Variants in RBFOX1 observed in about 807,000 individuals in gnomAD.
RBFOX1 encodes RNA binding protein fox-1 homolog 1.
Under a neutral mutation model 57.7 loss-of-function variants are expected in RBFOX1, and 8 were observed. The observed-to-expected ratio is 0.14, with a 90% CI of 0.08 to 0.25. The LOEUF is 0.25. Among genes scored for constraint, RBFOX1 ranks in the 10% least tolerant of loss-of-function variants. The pLI, the probability that RBFOX1 is intolerant of heterozygous loss-of-function variation, is 1.00. For synonymous variants in RBFOX1, 326 were observed against 222.4 expected, an observed-to-expected ratio of 1.47 and a Z score of -4.15; for missense variants, 611 against 548.5, an observed-to-expected ratio of 1.11 and a Z score of -1.14.
At chr16:6,440,870 G>T (rs868522923) in intron 2 of RBFOX1, among the ~76,000 whole-genome samples, 52 of 151,990 alleles carry the variant, frequency 3.4e-4, no homozygotes, top group African/African-American at 1.1e-3. Flanking sequence ...CCAGTCAAGT[G>T]CAACAGTGAA....
Position 6,734,637 on chromosome 16 carries a change from T to G in RBFOX1, c.-16+79987T>G, listed in dbSNP as rs539181790. Among the ~76,000 whole-genome samples, 88 of 152,314 alleles carry G rather than the reference T, an allele frequency of 5.8e-4. No homozygotes were observed. In the Middle Eastern group the frequency reaches 0.017, roughly 29 times the overall value. On this transcript the variant is annotated intron_variant, in intron 3 of 15. Transcript: ENST00000550418. Reference sequence around the variant, plus strand: ...GGTCTCTATTCCTCAGACATTCTTTTCTTTGTGATAGTTTCTCCTCTCATT... The same window carrying G: ...GGTCTCTATTCCTCAGACATTCTTTGCTTTGTGATAGTTTCTCCTCTCATT...
intron 3 of RBFOX1, among the ~76,000 whole-genome samples, chr16:6,999,212 A>ATTTTTTTTTTTTTTTTTTTTTTTTTT (rs1254312494): frequency 8.5e-6 from 1 of 117,692 alleles, no homozygotes; most frequent in South Asian, 2.7e-4. Context: ...TTTTATTTTT[A>ATTTTTTTTTTTTTTTTTTTTTTTTTT]TTTATTTTTT....
At chr16:7,467,384 A>G (rs1436309794) in intron 4 of RBFOX1, among the ~76,000 whole-genome samples, 1 of 152,140 alleles carries the variant, frequency 6.6e-6, no homozygotes, top group Non-Finnish European at 1.5e-5. Context: ...TCTGCCTTCT[A>G]GGGTTTTCTT....
At chr16:7,399,018 T>TG (rs1299034273) in intron 4 of RBFOX1, among the ~76,000 whole-genome samples, 5 of 152,218 alleles carry the variant, frequency 3.3e-5, no homozygotes, top group African/African-American at 1.2e-4. Context: ...AGGAACTACT[T>TG]GGGGCAAGTG....
chr16:6,851,031 T>C (rs1205844444), intron 3 of RBFOX1, among the ~76,000 whole-genome samples: 1 of 152,096 alleles, frequency 6.6e-6, no homozygotes, highest in South Asian at 2.1e-4. Flanking sequence ...TGGAATACTA[T>C]GTAGCAATAA....
chr16:7,376,973 C>G (rs748396976), intron 4 of RBFOX1, among the ~76,000 whole-genome samples: 3 of 152,090 alleles, frequency 2.0e-5, no homozygotes, highest in African/African-American at 4.8e-5. Context: ...CCTTGTATGT[C>G]CCTAAGTGTC....
At chr16:5,271,650 T>C (rs2063011300) in intron 1 of RBFOX1, among the ~76,000 whole-genome samples, 1 of 152,238 alleles carries the variant, frequency 6.6e-6, no homozygotes, top group Non-Finnish European at 1.5e-5. Flanking sequence ...GTGTCCCTGC[T>C]CTACAGTGAG....
chr16:6,350,604 C>G (rs958632351), intron 2 of RBFOX1, among the ~76,000 whole-genome samples: 4 of 151,690 alleles, frequency 2.6e-5, no homozygotes, highest in Non-Finnish European at 5.9e-5. Context: ...ACAATGGCAT[C>G]CATACATCTA....
At chr16:7,019,489 A>G in intron 3 of RBFOX1, among the ~76,000 whole-genome samples, 1 of 152,072 alleles carries the variant, frequency 6.6e-6, no homozygotes, top group East Asian at 1.9e-4. Flanking sequence ...AGTTGTCAAA[A>G]GCTCTCTTGT....
intron 1 of RBFOX1, among the ~76,000 whole-genome samples, chr16:6,259,408 T>C (rs2152626548): frequency 6.6e-6 from 1 of 152,296 alleles, no homozygotes; most frequent in Middle Eastern, 3.4e-3. Context: ...ATAAGCTGCC[T>C]TCTTGGTCAG....
At chr16:5,698,331 T>G (rs550995563) in intron 3 of RBFOX1, among the ~76,000 whole-genome samples, 1 of 152,158 alleles carries the variant, frequency 6.6e-6, no homozygotes, top group Non-Finnish European at 1.5e-5. Context: ...TTTGGTAAAA[T>G]TTACCTGTAA....
intron 4 of RBFOX1, among the ~76,000 whole-genome samples, chr16:7,094,627 AGTTTT>A (rs1346364084): frequency 1.4e-5 from 1 of 72,712 alleles, no homozygotes; most frequent in Non-Finnish European, 2.4e-5. Context: ...TTTCTTTTGA[AGTTTT>A]TTTTTTTTTT....
At chr16:7,626,454 G>A (rs574868557) in intron 10 of RBFOX1, among the ~76,000 whole-genome samples, 2 of 152,322 alleles carry the variant, frequency 1.3e-5, no homozygotes, top group Admixed American at 1.3e-4. Context: ...AGGTTGTGGG[G>A]ATGCCGATGA....
intron 3 of RBFOX1, among the ~76,000 whole-genome samples, chr16:6,934,122 T>C (rs1015083043): frequency 6.6e-6 from 1 of 152,072 alleles, no homozygotes; most frequent in Non-Finnish European, 1.5e-5. Context: ...CTGCCACCCA[T>C]AGTGAGACAG....
intron 2 of RBFOX1, among the ~76,000 whole-genome samples, chr16:6,488,879 G>C (rs1357137534): frequency 6.6e-6 from 1 of 152,202 alleles, no homozygotes; most frequent in Non-Finnish European, 1.5e-5. Context: ...GGTAATATCA[G>C]TGATAGTCTA....
In RBFOX1 at chr16:5,922,313, T is replaced by G. The variant is rs539845482; in HGVS notation, c.351+54978T>G. On this transcript the variant is annotated intron_variant, in intron 4 of 19. Transcript: ENST00000641259. ...TCCAACACTGGGATCACATTTTGACTTGAGAGCTGAGATGTAAAGGGGACA... is the reference window on the plus strand; with the variant it reads ...TCCAACACTGGGATCACATTTTGACGTGAGAGCTGAGATGTAAAGGGGACA... 2.6e-5 allele frequency among the ~76,000 whole-genome samples: 4 copies of G among 152,150 alleles called. No individual in the cohort carries two copies. The South Asian group carries it at 6.2e-4, about 24-fold the overall frequency.
intron 10 of RBFOX1, among the ~76,000 whole-genome samples, chr16:7,622,985 G>T (rs1458030390): frequency 3.3e-5 from 5 of 152,166 alleles, no homozygotes; most frequent in Non-Finnish European, 7.3e-5. Context: ...GTCCATTCGG[G>T]CTTTGGGTAA....
chr16:6,747,360 T>G (rs1012540918), intron 3 of RBFOX1, among the ~76,000 whole-genome samples: 5 of 151,880 alleles, frequency 3.3e-5, no homozygotes, highest in Admixed American at 6.6e-5. Flanking sequence ...TGAGCCAAGA[T>G]GGCCCCATTG....
intron 1 of RBFOX1, among the ~76,000 whole-genome samples, chr16:6,132,644 G>C (rs1279525426): frequency 2.0e-5 from 3 of 152,186 alleles, no homozygotes; most frequent in East Asian, 3.8e-4. Flanking sequence ...AGGTGGCATG[G>C]ACTGTGAGTT....
Sources: gnomAD v4.1 joint callset for allele counts (sites outside exome capture counted in the v4.1 genomes callset) on GRCh38, gnomAD v4.1.1 for gene constraint, MANE v1.5 for transcripts, NCBI Gene and HGNC (gene_info 2026-07-23, HGNC 2026-07-21) for gene names.